The following PMS2 variants were observed in gnomAD, a reference collection of about 807,000 sequenced individuals.
The protein encoded by PMS2 is mismatch repair endonuclease PMS2.
PMS2 carries 69 observed loss-of-function variants against 90.0 expected under a neutral mutation model. The ratio of observed to expected loss-of-function variants is 0.77; its 90% CI spans 0.63 to 0.94. The LOEUF (loss-of-function observed/expected upper bound fraction) is 0.94. Ranked by LOEUF, PMS2 falls within the 40% of genes least tolerant of loss-of-function variation. PMS2 has a pLI of 0.00. For missense variants in PMS2, 966 were observed against 1,040.2 expected, an observed-to-expected ratio of 0.93 and a Z score of 0.98; for synonymous variants, 332 against 375.1, an observed-to-expected ratio of 0.89 and a Z score of 1.33.
rs1583285456 is a variant in PMS2 at position 5,978,609 on chromosome 7, A to G, written c.2262T>C (p.Val754=). 1 of 1,603,304 alleles carries G rather than the reference A, an allele frequency of 6.2e-7. No homozygotes were observed. Among genetic ancestry groups the G allele is most frequent in the Non-Finnish European group, 8.5e-7 (1 of 1,172,960 alleles). Residue 754 remains valine (V), a synonymous_variant, in exon 13 of 15, where the codon GTT becomes GTC. Coordinates refer to ENST00000265849, the MANE Select transcript of PMS2 (RefSeq NM_000535.7). ...TTAATAACTTACCATTTTCATCGAT[A>G]ACAAAATCAAAGCCATTCTTTCTAA... ...EIFRKNGFDF[V]IDENAPVTER... is the part of the protein sequence containing the mutation.
intron 12 of PMS2, among the ~76,000 whole-genome samples, chr7:5,981,007 T>G (rs1464598201): frequency 1.3e-5 from 2 of 151,636 alleles, no homozygotes; most frequent in African/African-American, 4.9e-5. Flanking sequence ...CCATGTGGGA[T>G]CTACTTGTTG....
chr7:5,996,969 C>T (rs1322299588), intron 7 of PMS2, among the ~76,000 whole-genome samples: 2 of 152,044 alleles, frequency 1.3e-5, no homozygotes, highest in Non-Finnish European at 2.9e-5. Context: ...AATCCCAGCA[C>T]TTTGGGACAC....
At chr7:6,003,561 G>A (rs552270334) in intron 4 of PMS2, 129 bp downstream of exon 4, 1 of 668,830 alleles carries the variant, frequency 1.5e-6, no homozygotes, top group Non-Finnish European at 2.7e-6. Context: ...TTGGCAGCGA[G>A]ACAAAACAGA....
intron 9 of PMS2, among the ~76,000 whole-genome samples, chr7:5,990,669 C>A (rs771124082): frequency 6.6e-6 from 1 of 152,078 alleles, no homozygotes; most frequent in East Asian, 1.9e-4. Context: ...TTAAAATGAT[C>A]ATATTCACTG....
chr7:5,989,545 T>TG (rs1783479467), intron 10 of PMS2, among the ~76,000 whole-genome samples: 1 of 152,008 alleles, frequency 6.6e-6, no homozygotes, highest in South Asian at 2.1e-4. Context: ...TAGAGGTACT[T>TG]GGAGGCAGCT....
At chr7:5,984,663 T>C (rs1474708206) in intron 11 of PMS2, among the ~76,000 whole-genome samples, 1 of 151,598 alleles carries the variant, frequency 6.6e-6, no homozygotes, top group African/African-American at 2.4e-5. Flanking sequence ...TGGACACCTG[T>C]ACTCCCAGCT....
intron 5 of PMS2, among the ~76,000 whole-genome samples, chr7:6,001,779 T>C (rs1170581628): frequency 6.6e-6 from 1 of 151,888 alleles, no homozygotes; most frequent in Non-Finnish European, 1.5e-5. Context: ...AGGTCAGGAA[T>C]TCGAGACCAG....
intron 6 of PMS2, 52 bp from the exon 7 acceptor site, chr7:5,997,475 G>T: frequency 1.0e-6 from 1 of 983,870 alleles, no homozygotes; most frequent in Non-Finnish European, 1.6e-6. Context: ...AGACAGAGTG[G>T]ACTTAATCTG....
At chr7:5,983,486 T>C (rs1446121878) in intron 11 of PMS2, among the ~76,000 whole-genome samples, 3 of 151,756 alleles carry the variant, frequency 2.0e-5, no homozygotes, top group Non-Finnish European at 1.5e-5. Flanking sequence ...TTGCTACTAT[T>C]AACGATTTAA....
chr7:6,002,214 T>G, intron 5 of PMS2: 1 of 412,766 alleles, frequency 2.4e-6, no homozygotes, highest in Non-Finnish European at 4.5e-6. Flanking sequence ...TTAAAATTTT[T>G]CATAGAGACA....
intron 5 of PMS2, chr7:6,002,024 T>A (rs1418422841): frequency 6.6e-6 from 1 of 150,958 alleles, no homozygotes; most frequent in Admixed American, 6.6e-5. Context: ...ATAAAAAATA[T>A]ATATATATGT....
intron 1 of PMS2, among the ~76,000 whole-genome samples, chr7:6,006,675 A>G (rs1036883334): frequency 3.9e-5 from 6 of 152,072 alleles, no homozygotes; most frequent in African/African-American, 1.4e-4. Context: ...TTCCCAACAT[A>G]ATTAGAAAAA....
chr7:5,994,589 A>T (rs4724767), intron 8 of PMS2, among the ~76,000 whole-genome samples: 261 of 151,792 alleles, frequency 1.7e-3, no homozygotes, highest in African/African-American at 5.2e-3. Context: ...CTGGCTAACA[A>T]GGTGAAACCC....
intron 2 of PMS2, chr7:6,004,431 G>A (rs1017338834): frequency 9.9e-6 from 2 of 202,744 alleles, no homozygotes; most frequent in Middle Eastern, 2.3e-3. Context: ...TAAAGAGAAC[G>A]GGGACCGGGT....
chr7:5,995,425 T>C, intron 8 of PMS2, 109 bp downstream of exon 8: 5 of 735,846 alleles, frequency 6.8e-6, no homozygotes, highest in Non-Finnish European at 1.2e-5. Context: ...GTTAAAGCCA[T>C]GTTTCTCAAA....
At chr7:5,996,592 T>A (rs10253519) in intron 7 of PMS2, among the ~76,000 whole-genome samples, 26,677 of 86,272 alleles carry the variant, frequency 0.31, 3,097 homozygotes, top group African/African-American at 0.38. Flanking sequence ...AAAAAAAAAA[T>A]ATATATATAT....
chr7:5,975,971 T>A (rs1321589808), intron 14 of PMS2, among the ~76,000 whole-genome samples: 1 of 139,916 alleles, frequency 7.1e-6, no homozygotes, highest in Admixed American at 7.3e-5. Context: ...CCAGGTGCGG[T>A]GGCTCACGCC....
In PMS2 at chr7:5,987,178, C is replaced by A. The variant is rs786201709; in HGVS notation, c.1587G>T (p.Ser529=). The A allele has an allele frequency of 1.9e-6, 3 of 1,613,968 alleles. No individual in the cohort carries two copies. Among genetic ancestry groups the A allele is most frequent in the Non-Finnish European group, 2.5e-6 (3 of 1,179,960 alleles). The change falls in exon 11 of 15, where the codon TCG becomes TCT. Residue 529 remains serine (S), a synonymous_variant. Coordinates refer to ENST00000265849, the MANE Select transcript of PMS2 (RefSeq NM_000535.7). ...TCTCCTGAGAGTCCACATGTTCCTG[C>A]GAGCCCCTGTCCCCTGGGGAGCTGG... ...YAASSPGDRG[S]QEHVDSQEKA...
At chr7:5,996,590 A>ATATAT (rs1554301107) in intron 7 of PMS2, among the ~76,000 whole-genome samples, 146 of 110,104 alleles carry the variant, frequency 1.3e-3, no homozygotes, top group African/African-American at 5.2e-3. Flanking sequence ...AAAAAAAAAA[A>ATATAT]ATATATATAT....
Sources: gnomAD v4.1 joint callset for allele counts (sites outside exome capture counted in the v4.1 genomes callset) on GRCh38, gnomAD v4.1.1 for gene constraint, MANE v1.5 for transcripts, NCBI Gene and HGNC (gene_info 2026-07-23, HGNC 2026-07-21) for gene names.